The following MAN2A1 variants were observed in gnomAD, a reference collection of about 807,000 sequenced individuals.
MAN2A1 encodes the protein mannosidase alpha class 2A member 1.
Under a neutral mutation model 142.6 loss-of-function variants are expected in MAN2A1, and 76 were observed. The ratio of observed to expected loss-of-function variants is 0.53; its 90% confidence interval spans 0.44 to 0.65. The LOEUF is 0.65. MAN2A1 is among the 30% of genes least tolerant of loss of function. The pLI is 0.00. For missense variants in MAN2A1, 1,311 were observed against 1,365.1 expected (o/e 0.96, Z 0.62); for synonymous variants, 559 against 473.2 (o/e 1.18, Z -2.35).
At chr5:109,840,611 G>A (rs563646297) in intron 16 of MAN2A1, 1 of 482,406 alleles carries the variant, frequency 2.1e-6, no homozygotes, top group South Asian at 1.5e-5. Flanking sequence ...CCTTTTCTGA[G>A]ATGAAGGAGT....
chr5:109,840,516 TA>T (rs1021882941), intron 16 of MAN2A1: 9 of 503,270 alleles, frequency 1.8e-5, no homozygotes, highest in African/African-American at 1.4e-4. Context: ...TCTCCTGCCA[TA>T]AGCTTCTTTT....
chr5:109,844,586 C>T (rs1477722695), intron 17 of MAN2A1, among the ~76,000 whole-genome samples: 1 of 152,074 alleles, frequency 6.6e-6, no homozygotes, highest in Admixed American at 6.5e-5. Flanking sequence ...TTTATTCTTT[C>T]ACAGTTCTGG....
chr5:109,694,069 A>G (rs1485585544), intron 1 of MAN2A1, among the ~76,000 whole-genome samples: 2 of 152,346 alleles, frequency 1.3e-5, no homozygotes, highest in East Asian at 3.9e-4. Flanking sequence ...GGGTTGTCTT[A>G]TTAATTAGTC....
At chr5:109,852,287 CTT>C (rs1010840781) in intron 19 of MAN2A1, among the ~76,000 whole-genome samples, 6 of 152,108 alleles carry the variant, frequency 3.9e-5, no homozygotes, top group Admixed American at 6.6e-5. Context: ...CCTCCTTCCT[CTT>C]TGTCTTTTTT....
chr5:109,732,194 C>T (rs1209862805), intron 4 of MAN2A1, among the ~76,000 whole-genome samples: 4 of 150,198 alleles, frequency 2.7e-5, no homozygotes, highest in Non-Finnish European at 5.9e-5. Context: ...CCTTTGCCCA[C>T]TTTTTGATGG....
intron 16 of MAN2A1, among the ~76,000 whole-genome samples, chr5:109,832,010 T>C (rs1296106857): frequency 6.6e-6 from 1 of 151,780 alleles, no homozygotes; most frequent in East Asian, 1.9e-4. Flanking sequence ...GGGTTGTACC[T>C]TTTTAATTCC....
At chr5:109,845,474 A>C (rs1382489600) in intron 17 of MAN2A1, among the ~76,000 whole-genome samples, 1 of 152,184 alleles carries the variant, frequency 6.6e-6, no homozygotes, top group East Asian at 1.9e-4. Flanking sequence ...TTGAAAGGGG[A>C]TAGAGAGGTA....
chr5:109,782,773 T>A (rs993682121), intron 9 of MAN2A1, among the ~76,000 whole-genome samples: 4 of 152,100 alleles, frequency 2.6e-5, no homozygotes, highest in African/African-American at 9.7e-5. Flanking sequence ...TTTTAAAAAA[T>A]TATTTTCATT....
At chr5:109,770,792 C>A (rs772294577) in intron 7 of MAN2A1, among the ~76,000 whole-genome samples, 1 of 151,966 alleles carries the variant, frequency 6.6e-6, no homozygotes, top group African/African-American at 2.4e-5. Flanking sequence ...ACTATTATTA[C>A]CATCTCCTTT....
intron 12 of MAN2A1, 104 bp downstream of exon 12, chr5:109,789,631 TATTA>T: frequency 1.3e-6 from 1 of 745,806 alleles, no homozygotes; most frequent in East Asian, 2.9e-5. Context: ...GCAATCAATT[TATTA>T]ATTAAAAAAC....
intron 15 of MAN2A1, 28 bp downstream of exon 15, chr5:109,820,370 G>T: frequency 6.3e-7 from 1 of 1,584,276 alleles, no homozygotes; most frequent in East Asian, 2.3e-5. Flanking sequence ...GATGACAAAT[G>T]GAATAAACAC....
chr5:109,853,979 C>G (rs1486041893), intron 19 of MAN2A1: 1 of 152,034 alleles, frequency 6.6e-6, no homozygotes, highest in Admixed American at 6.6e-5. Context: ...GCTTCTGGCA[C>G]GATGCTAGTC....
intron 16 of MAN2A1, among the ~76,000 whole-genome samples, chr5:109,833,346 C>G (rs570873682): frequency 3.9e-5 from 6 of 152,074 alleles, no homozygotes; most frequent in Admixed American, 2.0e-4. Flanking sequence ...TGTAGCGAGC[C>G]GAGATCACGC....
chr5:109,720,485 A>C (rs1377220759), intron 3 of MAN2A1, among the ~76,000 whole-genome samples: 2 of 152,352 alleles, frequency 1.3e-5, no homozygotes, highest in East Asian at 1.9e-4. Context: ...TGAGGAAATC[A>C]GTGTAATATT....
At chr5:109,761,728 A>G (rs1391127325) in intron 5 of MAN2A1, among the ~76,000 whole-genome samples, 4 of 152,036 alleles carry the variant, frequency 2.6e-5, no homozygotes, top group Non-Finnish European at 4.4e-5. Flanking sequence ...ATTACGTGAC[A>G]GCTTATGTAC....
chr5:109,778,361 C>T (rs1474837866), intron 8 of MAN2A1, among the ~76,000 whole-genome samples: 1 of 151,854 alleles, frequency 6.6e-6, no homozygotes, highest in Non-Finnish European at 1.5e-5. Flanking sequence ...TTTCCATCTA[C>T]TTTCTTACCA....
At position 109,747,977 on chromosome 5, in the gene MAN2A1, C is replaced by T. The variant is rs189935528; in HGVS notation, c.708-7352C>T. ...TAGGCATCCCTAATGGGTGTTGTAC[C>T]GTGCTTTTTAAACATGTATCTTGGA... On this transcript the variant is annotated intron_variant, in intron 4 of 21. Transcript: ENST00000261483. Among the ~76,000 whole-genome samples the T allele has an allele frequency of 7.2e-4, 110 of 152,120 alleles. 1 individual carries two copies. Among genetic ancestry groups the T allele is most frequent in the African/African-American group, 2.1e-3 (87 of 41,510 alleles).
In MAN2A1 at chr5:109,721,183, T is replaced by C. The variant is rs562539789; in HGVS notation, c.535+4919T>C. 3.3e-5 allele frequency among the ~76,000 whole-genome samples: 5 copies of C among 152,296 alleles called. No individual in the cohort carries two copies. The East Asian group carries it at 9.6e-4, about 29-fold the overall frequency. ...AAAGTCAGTTAATTTAATTATAAAT[T>C]CTCAGAGGTTGGTGAATTGAAGCTC... On this transcript the variant is annotated intron_variant, in intron 3 of 21. Coordinates refer to ENST00000261483, the MANE Select transcript of MAN2A1 (RefSeq NM_002372.4).
chr5:109,775,541 G>A (rs1244254696), intron 8 of MAN2A1, among the ~76,000 whole-genome samples: 1 of 150,180 alleles, frequency 6.7e-6, no homozygotes, highest in Non-Finnish European at 1.5e-5. Context: ...AGCAAAAATT[G>A]TTCCCCTTCT....
Sources: allele counts gnomAD v4.1 joint callset (sites outside exome capture counted in the v4.1 genomes callset), GRCh38; gene constraint gnomAD v4.1.1; transcripts MANE v1.5; gene names NCBI Gene and HGNC (gene_info 2026-07-23, HGNC 2026-07-21).